Variants in RPS6KA5 observed in about 807,000 individuals in gnomAD.
RPS6KA5 encodes ribosomal protein S6 kinase alpha-5.
Under a neutral mutation model 85.5 loss-of-function variants are expected in RPS6KA5, and 27 were observed. The ratio of observed to expected loss-of-function variants is 0.32; its 90% CI spans 0.23 to 0.44. The LOEUF (loss-of-function observed/expected upper bound fraction) is 0.44. Ranked by LOEUF, RPS6KA5 falls within the 20% of genes least tolerant of loss-of-function variation. The pLI is 1.00. For synonymous variants in RPS6KA5, 334 were observed against 348.2 expected (o/e 0.96, Z 0.46); for missense variants, 811 against 980.9 (o/e 0.83, Z 2.31).
At chr14:90,894,356 G>C in intron 13 of RPS6KA5, 57 bp downstream of exon 13, 1 of 1,434,950 alleles carries the variant, frequency 7.0e-7, no homozygotes, top group South Asian at 1.8e-5. Flanking sequence ...CCATGTTTGG[G>C]AGATCTTTAA....
At chr14:90,953,218 T>C (rs779810145) in intron 3 of RPS6KA5, among the ~76,000 whole-genome samples, 37 of 152,238 alleles carry the variant, frequency 2.4e-4, no homozygotes, top group Admixed American at 2.2e-3. Flanking sequence ...ATAATACTTT[T>C]ATAATTTCTT....
chr14:90,901,108 T>C (rs1219151689), intron 9 of RPS6KA5, among the ~76,000 whole-genome samples: 1 of 152,056 alleles, frequency 6.6e-6, no homozygotes, highest in Non-Finnish European at 1.5e-5. Flanking sequence ...TTAAACAAAG[T>C]GGTCTTTTTT....
At position 90,979,179 on chromosome 14, in the gene RPS6KA5, C is replaced by T. The variant is rs146342990; in HGVS notation, c.176-655G>A. On this transcript the variant is annotated intron_variant, in intron 2 of 16. Coordinates refer to ENST00000614987, the MANE Select transcript of RPS6KA5 (RefSeq NM_004755.4). Reference sequence around the variant, plus strand: ...AAGGACTCTGTTGGGCATGATCCTACGTGTGGTGCCCCTCCTCCAGGTGGA... The same window carrying T: ...AAGGACTCTGTTGGGCATGATCCTATGTGTGGTGCCCCTCCTCCAGGTGGA... Among the ~76,000 whole-genome samples the T allele has an allele frequency of 1.2e-3, 183 of 152,356 alleles. 1 individual carries two copies. The highest frequency in any genetic ancestry group is 4.0e-3 in the African/African-American group (168 of 41,586).
chr14:90,961,351 C>T (rs1315072675), intron 3 of RPS6KA5, among the ~76,000 whole-genome samples: 2 of 152,126 alleles, frequency 1.3e-5, no homozygotes, highest in African/African-American at 2.4e-5. Context: ...GGATGATGAA[C>T]GTGTCTGACT....
At chr14:90,930,163 C>G (rs1012313432) in intron 5 of RPS6KA5, among the ~76,000 whole-genome samples, 3 of 152,196 alleles carry the variant, frequency 2.0e-5, no homozygotes, top group Non-Finnish European at 4.4e-5. Context: ...TGAGCCACCA[C>G]GCCCGGCCAG....
chr14:91,002,962 A>C (rs1290390057), intron 1 of RPS6KA5, among the ~76,000 whole-genome samples: 1 of 152,188 alleles, frequency 6.6e-6, no homozygotes, highest in Non-Finnish European at 1.5e-5. Flanking sequence ...AATATCAAAA[A>C]CATAGGTAGT....
Position 90,864,259 on chromosome 14 carries a change from C to G in RPS6KA5, c.*7815G>C. ...GGTTCAAGCGATTCTCCTGCCTCAGCCTCCCACGTAGCTGGGATTACAGGC... is the reference window on the plus strand; with the variant it reads ...GGTTCAAGCGATTCTCCTGCCTCAGGCTCCCACGTAGCTGGGATTACAGGC... On this transcript the variant is annotated 3_prime_UTR_variant, in exon 17 of 17. Coordinates refer to ENST00000614987, the MANE Select transcript of RPS6KA5 (RefSeq NM_004755.4). 1 of 153,180 alleles carries G rather than the reference C, an allele frequency of 6.5e-6. No homozygotes were observed. Among genetic ancestry groups the G allele is most frequent in the Non-Finnish European group, 1.5e-5 (1 of 68,762 alleles). The allele number at this position is 153,180 out of a possible 1,614,324, so 9.5% of individuals were successfully genotyped here.
At position 90,866,800 on chromosome 14, in the gene RPS6KA5, T is replaced by C. The variant is rs2032820633; in HGVS notation, c.*5274A>G. 1 of 152,238 alleles carries C rather than the reference T, an allele frequency of 6.6e-6. No homozygotes were observed. The highest frequency in any genetic ancestry group is 1.5e-5 in the Non-Finnish European group (1 of 68,036). 9.4% of individuals were successfully genotyped at this position (152,238 alleles called of 1,614,324 possible). A position where few individuals can be genotyped will look rare whatever the true frequency, so the allele number is the denominator to read the frequency against. On this transcript the variant is annotated 3_prime_UTR_variant, in exon 17 of 17. Coordinates refer to ENST00000614987, the MANE Select transcript of RPS6KA5 (RefSeq NM_004755.4). ...CCTGTGAAGTTTTTAGGAATATTTT[T>C]CAAAACTTTAGTACTGAGGCATTAA...
At chr14:91,027,821 T>C (rs938687219) in intron 1 of RPS6KA5, among the ~76,000 whole-genome samples, 4 of 152,190 alleles carry the variant, frequency 2.6e-5, no homozygotes, top group South Asian at 2.1e-4. Flanking sequence ...CCTGAAGTCT[T>C]ACATGTAACC....
chr14:90,947,654 A>G (rs2037942145), intron 3 of RPS6KA5, 104 bp from the exon 4 acceptor site: 1 of 660,564 alleles, frequency 1.5e-6, no homozygotes, highest in Non-Finnish European at 2.6e-6. Context: ...TGATTTTAAT[A>G]TATTGCTATA....
chr14:91,003,173 G>C (rs11159985), intron 1 of RPS6KA5, among the ~76,000 whole-genome samples: 20,547 of 151,684 alleles, frequency 0.14, 1,692 homozygotes, highest in East Asian at 0.33. Flanking sequence ...CTTACTATTA[G>C]GAATCCTTTT....
chr14:90,905,762 G>A (rs1472047200), intron 8 of RPS6KA5, among the ~76,000 whole-genome samples: 1 of 152,136 alleles, frequency 6.6e-6, no homozygotes, highest in Non-Finnish European at 1.5e-5. Flanking sequence ...AAACATAGTG[G>A]CAGTAATAGC....
chr14:90,903,272 T>G (rs761484637), intron 8 of RPS6KA5, among the ~76,000 whole-genome samples: 8 of 151,974 alleles, frequency 5.3e-5, no homozygotes, highest in Non-Finnish European at 1.2e-4. Flanking sequence ...GTCCTGAGCC[T>G]CCTCAGAAAG....
intron 5 of RPS6KA5, among the ~76,000 whole-genome samples, chr14:90,933,423 A>C (rs1176904361): frequency 6.6e-6 from 1 of 152,026 alleles, no homozygotes; most frequent in Non-Finnish European, 1.5e-5. Context: ...CTGGCCAAAA[A>C]CCTTGGGGCC....
chr14:90,881,091 T>C (rs1343007536), intron 14 of RPS6KA5, among the ~76,000 whole-genome samples: 1 of 151,864 alleles, frequency 6.6e-6, no homozygotes, highest in East Asian at 2.0e-4. Flanking sequence ...TGCCTCAGCC[T>C]CCAAAGTGCC....
Position 90,859,773 on chromosome 14 carries a change from A to T in RPS6KA5, c.*12301T>A, listed in dbSNP as rs1311416142. 6.6e-6 allele frequency: 1 copy of T among 152,198 alleles called. No homozygotes were observed. Among genetic ancestry groups the T allele is most frequent in the Non-Finnish European group, 1.5e-5 (1 of 68,028 alleles). The allele number at this position is 152,198 out of a possible 1,614,324, so 9.4% of individuals were successfully genotyped here. A position where few individuals can be genotyped will look rare whatever the true frequency, so the allele number is the denominator to read the frequency against. ...TGACTGGTTAAGAATTCTAATAAGG[A>T]AGGACATCAACCAACAGATTCAGGA... On this transcript the variant is annotated 3_prime_UTR_variant, in exon 17 of 17. Coordinates refer to ENST00000614987, the MANE Select transcript of RPS6KA5 (RefSeq NM_004755.4).
chr14:90,890,104 T>C (rs972424406), intron 14 of RPS6KA5, among the ~76,000 whole-genome samples: 7 of 152,250 alleles, frequency 4.6e-5, no homozygotes, highest in Admixed American at 1.3e-4. Context: ...AATGGTATTC[T>C]GTAATTACAT....
chr14:90,942,163 A>G (rs1211668544), intron 5 of RPS6KA5, among the ~76,000 whole-genome samples: 1 of 152,186 alleles, frequency 6.6e-6, no homozygotes, highest in East Asian at 1.9e-4. Flanking sequence ...CGATTAAAAA[A>G]TTAGGATCTT....
At position 90,875,296 on chromosome 14, in the gene RPS6KA5, G is replaced by A. The variant is rs766315907; in HGVS notation, c.1901C>T (p.Ala634Val). The A allele has an allele frequency of 8.7e-6, 14 of 1,613,804 alleles. No homozygotes were observed. Among genetic ancestry groups the A allele is most frequent in the African/African-American group, 1.3e-5 (1 of 74,978 alleles). ...SHDRSLTCTS[A>V]VEIMKKIKKG... ...TTTAATTTTCTTCATGATTTCCACCGCGCTGGTACACGTCAAACTTCGGTC... is the reference window on the plus strand; with the variant it reads ...TTTAATTTTCTTCATGATTTCCACCACGCTGGTACACGTCAAACTTCGGTC... The change falls in exon 15 of 17, where the codon GCG (alanine) becomes GTG (valine). Residue 634 changes from alanine (A) to valine (V), a missense_variant. Coordinates refer to ENST00000614987, the MANE Select transcript of RPS6KA5 (RefSeq NM_004755.4).
Sources: allele counts gnomAD v4.1 joint callset (sites outside exome capture counted in the v4.1 genomes callset), GRCh38; gene constraint gnomAD v4.1.1; transcripts MANE v1.5; gene names NCBI Gene and HGNC (gene_info 2026-07-23, HGNC 2026-07-21).